Variants in CASP6 observed in about 807,000 individuals in gnomAD.
CASP6 encodes caspase-6.
In CASP6, 20 loss-of-function variants were observed where a neutral mutation model predicts 31.8. That is an observed-to-expected ratio of 0.63 (90% confidence interval 0.44 to 0.91). The LOEUF (loss-of-function observed/expected upper bound fraction) is 0.91, where lower values mean the gene tolerates loss of function less well. CASP6 is among the 40% of genes least tolerant of loss of function. CASP6 has a pLI of 0.00. For synonymous variants in CASP6, 130 were observed against 127.8 expected (o/e 1.02, Z -0.12); for missense variants, 328 against 361.1 (o/e 0.91, Z 0.74).
At chr4:109,692,999 G>A (rs1478481749) in intron 5 of CASP6, among the ~76,000 whole-genome samples, 3 of 152,140 alleles carry the variant, frequency 2.0e-5, no homozygotes, top group African/African-American at 4.8e-5. Flanking sequence ...CTGGATCATC[G>A]GGGAGGGTCT....
chr4:109,679,110 C>T, the CASP6 span, among the ~76,000 whole-genome samples: 5 of 148,338 alleles, frequency 3.4e-5, no homozygotes, highest in African/African-American at 1.0e-4. Context: ...CAGAGGCACT[C>T]CTCACTTCCT....
the CASP6 span, chr4:109,673,841 C>G: frequency 5.3e-6 from 4 of 751,960 alleles, no homozygotes; most frequent in East Asian, 7.3e-5. Flanking sequence ...CAAGCAATCA[C>G]TATGTCAGCA....
At chr4:109,673,444 C>T in the CASP6 span, among the ~76,000 whole-genome samples, 4 of 152,156 alleles carry the variant, frequency 2.6e-5, no homozygotes, top group Non-Finnish European at 5.9e-5. Flanking sequence ...AGGGCAGAAG[C>T]CTCCCTGGAG....
In CASP6 at chr4:109,696,492, G is replaced by GTTAA; in HGVS notation, c.231-7_231-6insTTAA. The GTTAA allele has an allele frequency of 6.3e-7, 1 of 1,595,782 alleles. No homozygotes were observed. Among genetic ancestry groups the GTTAA allele is most frequent in the Non-Finnish European group, 8.6e-7 (1 of 1,166,074 alleles). On this transcript the variant is annotated splice_region_variant and splice_polypyrimidine_tract_variant and intron_variant, in intron 3 of 6. Transcript: ENST00000265164. The stretch of plus-strand genomic sequence containing the variant: ...CAAATCCTAGATCTGAAAACCTAGT[G>GTTAA]GTATATTAAATGAAATGTTAGCCTA...
At chr4:109,684,793 G>T (rs1729799567), downstream of CASP6, 1 of 570,974 alleles carries the variant, frequency 1.8e-6, no homozygotes, top group Non-Finnish European at 3.1e-6. Flanking sequence ...TTTTTCACAA[G>T]ACTGAATGAA....
upstream of CASP6, among the ~76,000 whole-genome samples, chr4:109,706,148 TATATATATATATATATATATATACACAC>T (rs1730610518): frequency 4.7e-5 from 4 of 86,008 alleles, no homozygotes; most frequent in African/African-American, 3.1e-4. Context: ...TATATATATA[TATATATATATATATATATATATACACAC>T]ACACATATAC....
the CASP6 span, chr4:109,674,081 G>A: frequency 4.1e-6 from 6 of 1,452,988 alleles, no homozygotes; most frequent in Non-Finnish European, 4.8e-6. Context: ...GTTGGTATGG[G>A]CTATTCCATG....
chr4:109,666,342 G>A, the CASP6 span, among the ~76,000 whole-genome samples: 3 of 152,166 alleles, frequency 2.0e-5, no homozygotes, highest in Admixed American at 6.5e-5. Flanking sequence ...GGCACATATG[G>A]TGAGAGTGTT....
At chr4:109,673,812 TCGC>T in the CASP6 span, 1 of 661,446 alleles carries the variant, frequency 1.5e-6, no homozygotes, top group Non-Finnish European at 2.7e-6. Context: ...AGAGGTTTTT[TCGC>T]TCTAGGGAGA....
the CASP6 span, among the ~76,000 whole-genome samples, chr4:109,677,337 A>T: frequency 6.6e-6 from 1 of 152,170 alleles, no homozygotes; most frequent in Non-Finnish European, 1.5e-5. Context: ...TTCAGGATGA[A>T]TCATGCCTAG....
downstream of CASP6, chr4:109,684,402 G>A (rs769823846): frequency 2.0e-6 from 3 of 1,495,154 alleles, no homozygotes; most frequent in East Asian, 2.3e-5. Context: ...TTTAGTTGGT[G>A]TATTTGTAAA....
At chr4:109,705,286 ATATT>A (rs1291243390), upstream of CASP6, among the ~76,000 whole-genome samples, 1 of 152,244 alleles carries the variant, frequency 6.6e-6, no homozygotes, top group Non-Finnish European at 1.5e-5. Flanking sequence ...GGCTTAGAGA[ATATT>A]TAAAGCCCAC....
At chr4:109,667,701 C>T in the CASP6 span, among the ~76,000 whole-genome samples, 4 of 150,070 alleles carry the variant, frequency 2.7e-5, no homozygotes, top group African/African-American at 7.3e-5. Context: ...GCTTGCTTTT[C>T]ATTTCATTTG....
chr4:109,698,660 A>C (rs1730326166), intron 1 of CASP6, among the ~76,000 whole-genome samples: 1 of 152,256 alleles, frequency 6.6e-6, no homozygotes, highest in Non-Finnish European at 1.5e-5. Flanking sequence ...CGGAGTTGAA[A>C]TATGAAGTTG....
At chr4:109,708,690 T>G in the CASP6 span, among the ~76,000 whole-genome samples, 14 of 152,206 alleles carry the variant, frequency 9.2e-5, no homozygotes, top group Non-Finnish European at 1.5e-4. Context: ...AATTTGTCAT[T>G]TTTTCTCCAT....
chr4:109,672,356 G>A, the CASP6 span, among the ~76,000 whole-genome samples: 1 of 152,092 alleles, frequency 6.6e-6, no homozygotes, highest in African/African-American at 2.4e-5. Flanking sequence ...TGAGAACCTG[G>A]TAAGGTTCCA....
chr4:109,702,074 T>G (rs1730436304), intron 1 of CASP6, among the ~76,000 whole-genome samples: 1 of 152,194 alleles, frequency 6.6e-6, no homozygotes, highest in African/African-American at 2.4e-5. Context: ...CCATCAGGCC[T>G]AGAACATGCA....
intron 6 of CASP6, among the ~76,000 whole-genome samples, chr4:109,690,375 T>C (rs1311940804): frequency 1.3e-5 from 2 of 151,874 alleles, no homozygotes; most frequent in Non-Finnish European, 1.5e-5. Context: ...ATTAAAAAGT[T>C]AGCCAAGCAT....
chr4:109,671,982 T>G, the CASP6 span, among the ~76,000 whole-genome samples: 1 of 152,112 alleles, frequency 6.6e-6, no homozygotes, highest in East Asian at 1.9e-4. Context: ...ATAAATTCTT[T>G]CTCAAATAGA....
Sources: allele counts gnomAD v4.1 joint callset (sites outside exome capture counted in the v4.1 genomes callset), GRCh38; gene constraint gnomAD v4.1.1; transcripts MANE v1.5; gene names NCBI Gene and HGNC (gene_info 2026-07-23, HGNC 2026-07-21).